Variants in EIF4ENIF1 observed in about 807,000 individuals in gnomAD.
EIF4ENIF1 encodes eukaryotic translation initiation factor 4E transporter.
EIF4ENIF1 carries 23 observed loss-of-function variants against 110.5 expected under a neutral mutation model. The ratio of observed to expected loss-of-function variants is 0.21; its 90% CI spans 0.15 to 0.29. EIF4ENIF1 has a LOEUF of 0.29. Among genes scored for constraint, EIF4ENIF1 ranks in the 10% least tolerant of loss-of-function variants. EIF4ENIF1 has a pLI of 1.00. For missense variants in EIF4ENIF1, 1,031 were observed against 1,221.1 expected (o/e 0.84, Z 2.32); for synonymous variants, 440 against 437.0 (o/e 1.01, Z -0.09).
chr22:31,450,843 C>CACACACACACACACA, intron 10 of EIF4ENIF1: 1 of 96,912 alleles, frequency 1.0e-5, no homozygotes, highest in African/African-American at 4.1e-5. Flanking sequence ...TATATATATA[C>CACACACACACACACA]TACACACACA....
At chr22:31,471,577 G>T (rs559024516) in intron 3 of EIF4ENIF1, among the ~76,000 whole-genome samples, 1 of 152,210 alleles carries the variant, frequency 6.6e-6, no homozygotes, top group African/African-American at 2.4e-5. Flanking sequence ...GCCTCCCAAA[G>T]TGCTGGGATT....
rs748811398 is a variant in EIF4ENIF1, at chr22:31,444,623, CAGCAGG to C, written c.2050_2055del (p.Pro684_Ala685del). ...TCACTGACCATGCTTGTGATGGAGG[CAGCAGG>C]GGCAGGGGAAGAGGAATTCCCTCGA... is the stretch of plus-strand genomic sequence containing the variant. On this transcript the variant is annotated inframe_deletion, in exon 15 of 19. Transcript: ENST00000330125. 9 of 1,614,008 alleles carry C rather than the reference CAGCAGG, an allele frequency of 5.6e-6. No homozygotes were observed. The highest frequency in any genetic ancestry group is 5.1e-6 in the Non-Finnish European group (6 of 1,179,998).
At chr22:31,455,822 C>A (rs371193865) in intron 8 of EIF4ENIF1, 30 bp downstream of exon 8, 50 of 1,611,672 alleles carry the variant, frequency 3.1e-5, no homozygotes, top group Non-Finnish European at 4.1e-5. Context: ...CCAGGTTTAC[C>A]TTCAAGGGCA....
chr22:31,442,968 T>C lies in EIF4ENIF1; in HGVS notation c.2200A>G (p.Ser734Gly), dbSNP rs370449766. 9.9e-6 allele frequency: 16 copies of C among 1,614,026 alleles called. No homozygotes were observed. The African/African-American group carries it at 1.6e-4, about 16-fold the overall frequency. Residue 734 changes from serine (S) to glycine (G), a missense_variant, in exon 16 of 19, where the codon AGT becomes GGT. By Grantham distance (56) the Ser-to-Gly change is moderately conservative. Transcript: ENST00000330125. ...GDSKEDTQKA[S>G]EENLLSSSSV... The stretch of plus-strand genomic sequence containing the variant: ...CTTAACAGCTCTGCAGTACCTTCAC[T>C]GGCCTTCTGAGTATCCTCTTTACTG...
chr22:31,483,352 C>A lies in EIF4ENIF1; in HGVS notation c.96+5271G>T, dbSNP rs528861009. Among the ~76,000 whole-genome samples, 63 of 151,570 alleles carry A rather than the reference C, an allele frequency of 4.2e-4. 1 individual carries two copies. Among genetic ancestry groups the A allele is most frequent in the Non-Finnish European group, 5.9e-5 (4 of 67,904 alleles). On this transcript the variant is annotated intron_variant, in intron 2 of 18. Coordinates refer to ENST00000330125, the MANE Select transcript of EIF4ENIF1 (RefSeq NM_019843.4). ...GTAGCTGAGACTACAGGCAATACGCCACCATACCTAGCTAATTTTTAAATT... is the reference window on the plus strand; with the variant it reads ...GTAGCTGAGACTACAGGCAATACGCAACCATACCTAGCTAATTTTTAAATT...
At chr22:31,474,678 T>C (rs1010617140) in intron 2 of EIF4ENIF1, among the ~76,000 whole-genome samples, 9 of 152,086 alleles carry the variant, frequency 5.9e-5, no homozygotes, top group Non-Finnish European at 1.0e-4. Flanking sequence ...TTAGGAAATA[T>C]ACACACTTAC....
chr22:31,472,003 C>A, intron 2 of EIF4ENIF1, 86 bp from the exon 3 acceptor site: 1 of 1,009,512 alleles, frequency 9.9e-7, no homozygotes, highest in Non-Finnish European at 1.5e-6. Context: ...TTCTAAGTGT[C>A]CATCTTAAAC....
rs1295205684 is a variant in EIF4ENIF1, at chr22:31,464,948, G to C, written c.299-981C>G. Among the ~76,000 whole-genome samples the C allele has an allele frequency of 4.6e-5, 7 of 151,612 alleles. No homozygotes were observed. In the Admixed American group the frequency reaches 4.6e-4, roughly 10 times the overall value. The stretch of plus-strand genomic sequence containing the variant: ...TCTACTCTTTGAAAGACACTGTTTA[G>C]AGAATGCAAAGACAAGCCACAGACT... On this transcript the variant is annotated intron_variant, in intron 4 of 18. Transcript: ENST00000330125.
chr22:31,447,007 A>C (rs1363317561), intron 14 of EIF4ENIF1: 2 of 468,896 alleles, frequency 4.3e-6, no homozygotes, highest in Non-Finnish European at 8.8e-6. Context: ...AGAACATTGA[A>C]TCTGTGGGGA....
chr22:31,475,912 A>C (rs2051554869), intron 2 of EIF4ENIF1, among the ~76,000 whole-genome samples: 1 of 151,652 alleles, frequency 6.6e-6, no homozygotes, highest in African/African-American at 2.4e-5. Context: ...CTTCAGGGCA[A>C]ACATGGTGTC....
At chr22:31,451,520 C>T (rs958807949) in intron 10 of EIF4ENIF1, among the ~76,000 whole-genome samples, 3 of 151,774 alleles carry the variant, frequency 2.0e-5, no homozygotes, top group Admixed American at 6.6e-5. Flanking sequence ...GTGATCTGCC[C>T]GCCTCGGCCT....
chr22:31,488,233 C>G (rs968747426), intron 2 of EIF4ENIF1, among the ~76,000 whole-genome samples: 1 of 152,164 alleles, frequency 6.6e-6, no homozygotes, highest in African/African-American at 2.4e-5. Context: ...TATGGGGAGT[C>G]TGCCTCTTAA....
chr22:31,442,891 G>A, intron 16 of EIF4ENIF1, 71 bp downstream of exon 16: 1 of 1,578,066 alleles, frequency 6.3e-7, no homozygotes, highest in South Asian at 1.2e-5. Context: ...TATCAGGCTG[G>A]TCAGCGCTCA....
chr22:31,484,609 G>A (rs998162532), intron 2 of EIF4ENIF1, among the ~76,000 whole-genome samples: 6 of 152,012 alleles, frequency 3.9e-5, no homozygotes, highest in Admixed American at 2.6e-4. Flanking sequence ...CAAGGTGGGC[G>A]GATCACCTGA....
chr22:31,443,300 CTG>C (rs2050361178), intron 15 of EIF4ENIF1: 2 of 630,650 alleles, frequency 3.2e-6, no homozygotes, highest in Non-Finnish European at 5.1e-6. Context: ...TTGCTTACAA[CTG>C]TGTGATAATG....
intron 2 of EIF4ENIF1, among the ~76,000 whole-genome samples, chr22:31,488,041 T>C (rs1340960302): frequency 6.6e-6 from 1 of 152,178 alleles, no homozygotes; most frequent in African/African-American, 2.4e-5. Context: ...TTAATAAATA[T>C]GACTTCCTCT....
chr22:31,464,191 A>G (rs959910375), intron 4 of EIF4ENIF1: 1 of 500,012 alleles, frequency 2.0e-6, no homozygotes, highest in African/African-American at 2.0e-5. Context: ...GTCACGATAA[A>G]TAATTTTCCA....
intron 7 of EIF4ENIF1, among the ~76,000 whole-genome samples, chr22:31,456,505 G>A (rs1013962390): frequency 6.6e-6 from 1 of 151,046 alleles, no homozygotes; most frequent in African/African-American, 2.4e-5. Context: ...TTACAAGCAT[G>A]AGCCACCACA....
At chr22:31,443,902 C>T (rs1357231968) in intron 15 of EIF4ENIF1, among the ~76,000 whole-genome samples, 1 of 151,218 alleles carries the variant, frequency 6.6e-6, no homozygotes, top group Admixed American at 6.6e-5. Context: ...TCAAGTGATC[C>T]TCCCACCTCG....
Sources: allele counts gnomAD v4.1 joint callset (sites outside exome capture counted in the v4.1 genomes callset), GRCh38; gene constraint gnomAD v4.1.1; transcripts MANE v1.5; gene names NCBI Gene and HGNC (gene_info 2026-07-23, HGNC 2026-07-21).